Variants in CADM1 observed in about 807,000 individuals in gnomAD.
The protein encoded by CADM1 is cell adhesion molecule 1.
CADM1 carries 15 observed loss-of-function variants against 53.1 expected under a neutral mutation model. The ratio of observed to expected loss-of-function variants is 0.28; its 90% CI spans 0.19 to 0.44. CADM1 has a LOEUF of 0.44. Among genes scored for constraint, CADM1 ranks in the 20% least tolerant of loss-of-function variants. The pLI is 1.00. For synonymous variants in CADM1, 281 were observed against 243.0 expected (o/e 1.16, Z -1.45); for missense variants, 434 against 611.3 (o/e 0.71, Z 3.06).
At chr11:115,386,712 G>C (rs1946707687) in intron 1 of CADM1, among the ~76,000 whole-genome samples, 1 of 132 alleles carries the variant, frequency 7.6e-3, no homozygotes, top group Admixed American at 0.05. Flanking sequence ...CATGAGGGCA[G>C]AGCCTCATGA....
In CADM1 at chr11:115,451,046, G is replaced by A. The variant is rs545510256; in HGVS notation, c.124+53225C>T. On this transcript the variant is annotated intron_variant, in intron 1 of 11. Coordinates refer to ENST00000331581, the MANE Select transcript of CADM1 (RefSeq NM_001301043.2). ...ATTGCTTCTGTAAAGCTCATTCTGT[G>A]GTGACTTTTAAATAGCTTTAAGAAT... 4.6e-5 allele frequency among the ~76,000 whole-genome samples: 7 copies of A among 152,202 alleles called. No individual in the cohort carries two copies. In the East Asian group the frequency reaches 5.8e-4, roughly 13 times the overall value.
chr11:115,465,719 A>G (rs1263895692), intron 1 of CADM1, among the ~76,000 whole-genome samples: 1 of 152,218 alleles, frequency 6.6e-6, no homozygotes, highest in African/African-American at 2.4e-5. Context: ...GACTTACTTC[A>G]GAATCTGCCT....
intron 1 of CADM1, among the ~76,000 whole-genome samples, chr11:115,411,988 C>T (rs1471420982): frequency 6.6e-6 from 1 of 151,988 alleles, no homozygotes; most frequent in South Asian, 2.1e-4. Context: ...CCACTAATAA[C>T]AGACTTCAAG....
At chr11:115,434,799 G>A (rs1386321436) in intron 1 of CADM1, among the ~76,000 whole-genome samples, 3 of 151,460 alleles carry the variant, frequency 2.0e-5, no homozygotes, top group African/African-American at 7.3e-5. Context: ...GAGTTTTCCT[G>A]GAGAGTTGAA....
At chr11:115,339,112 T>C (rs1446846568) in intron 1 of CADM1, among the ~76,000 whole-genome samples, 2 of 141,330 alleles carry the variant, frequency 1.4e-5, no homozygotes, top group Non-Finnish European at 1.5e-5. Flanking sequence ...GATCTCATTG[T>C]TCAATTCCCA....
intron 1 of CADM1, among the ~76,000 whole-genome samples, chr11:115,441,809 C>G (rs1479091533): frequency 6.6e-6 from 1 of 151,932 alleles, no homozygotes; most frequent in East Asian, 1.9e-4. Flanking sequence ...ATCTTAAGTT[C>G]AATGGTCAAT....
At chr11:115,222,512 A>G (rs1199060721) in intron 5 of CADM1, among the ~76,000 whole-genome samples, 6 of 152,294 alleles carry the variant, frequency 3.9e-5, no homozygotes, top group Non-Finnish European at 7.4e-5. Context: ...TTCTATTGTC[A>G]TAATACATTC....
intron 3 of CADM1, among the ~76,000 whole-genome samples, chr11:115,235,556 T>C (rs1941982138): frequency 6.6e-6 from 1 of 152,182 alleles, no homozygotes; most frequent in African/African-American, 2.4e-5. Context: ...TAATGAAATG[T>C]CAAGGTTCTT....
chr11:115,399,745 C>G (rs1034313311), intron 1 of CADM1, among the ~76,000 whole-genome samples: 1 of 151,922 alleles, frequency 6.6e-6, no homozygotes, highest in East Asian at 1.9e-4. Context: ...TTACCTGGAA[C>G]AGTCTAACTT....
chr11:115,490,770 G>A (rs1222302450), intron 1 of CADM1, among the ~76,000 whole-genome samples: 9 of 152,088 alleles, frequency 5.9e-5, no homozygotes, highest in Admixed American at 3.3e-4. Flanking sequence ...AAAACTGTGG[G>A]TTTTGAACAT....
chr11:115,365,607 T>C (rs1316722863), intron 1 of CADM1, among the ~76,000 whole-genome samples: 1 of 152,008 alleles, frequency 6.6e-6, no homozygotes, highest in Non-Finnish European at 1.5e-5. Context: ...GTAGAAGGTA[T>C]GTATTTATAA....
At chr11:115,248,291 C>T (rs1171271930) in intron 1 of CADM1, among the ~76,000 whole-genome samples, 1 of 152,214 alleles carries the variant, frequency 6.6e-6, no homozygotes, top group African/African-American at 2.4e-5. Context: ...GCATCCCTGC[C>T]TGTACTATTA....
intron 1 of CADM1, among the ~76,000 whole-genome samples, chr11:115,325,367 T>TG (rs891650025): frequency 5.9e-5 from 9 of 151,940 alleles, no homozygotes; most frequent in African/African-American, 2.2e-4. Flanking sequence ...AAAGAAGTGG[T>TG]GGGGGGCAGC....
At chr11:115,436,417 C>T (rs1948183643) in intron 1 of CADM1, among the ~76,000 whole-genome samples, 1 of 152,176 alleles carries the variant, frequency 6.6e-6, no homozygotes, top group South Asian at 2.1e-4. Flanking sequence ...ATATTCAACT[C>T]CCCCTCCTAA....
intron 1 of CADM1, among the ~76,000 whole-genome samples, chr11:115,441,518 GT>G (rs1294194284): frequency 6.6e-6 from 1 of 152,100 alleles, no homozygotes; most frequent in Non-Finnish European, 1.5e-5. Flanking sequence ...ACAGTAGGTG[GT>G]TTTCTATCAT....
intron 1 of CADM1, among the ~76,000 whole-genome samples, chr11:115,467,544 T>G (rs1041387605): frequency 4.6e-5 from 7 of 152,192 alleles, no homozygotes; most frequent in African/African-American, 1.7e-4. Flanking sequence ...ACATTTCCAT[T>G]CTGAGATGCA....
intron 1 of CADM1, among the ~76,000 whole-genome samples, chr11:115,278,290 T>C (rs936586329): frequency 6.6e-6 from 1 of 152,236 alleles, no homozygotes; most frequent in Non-Finnish European, 1.5e-5. Flanking sequence ...CTATCATTAT[T>C]ACTAGTCACA....
intron 1 of CADM1, among the ~76,000 whole-genome samples, chr11:115,462,119 A>C (rs1011630597): frequency 6.6e-6 from 1 of 152,188 alleles, no homozygotes; most frequent in Non-Finnish European, 1.5e-5. Flanking sequence ...GGAATTTTTA[A>C]ATGGAAACAG....
intron 1 of CADM1, among the ~76,000 whole-genome samples, chr11:115,307,043 C>T (rs1591692494): frequency 6.6e-6 from 1 of 151,902 alleles, no homozygotes; most frequent in Admixed American, 6.6e-5. Flanking sequence ...AGAGAGCTGG[C>T]ATCATGCAAT....
Sources: gnomAD v4.1 joint callset for allele counts (sites outside exome capture counted in the v4.1 genomes callset) on GRCh38, gnomAD v4.1.1 for gene constraint, MANE v1.5 for transcripts, NCBI Gene and HGNC (gene_info 2026-07-23, HGNC 2026-07-21) for gene names.